Variants in LIPN observed in about 807,000 individuals in gnomAD.
LIPN encodes the protein lipase family member N.
Under a neutral mutation model 43.7 loss-of-function variants are expected in LIPN, and 32 were observed. The observed-to-expected ratio is 0.73, with a 90% confidence interval of 0.55 to 0.98. LIPN has a LOEUF of 0.98. LIPN is among the 50% of genes least tolerant of loss of function. The probability of loss-of-function intolerance (pLI) is 0.00; values close to 1 mark genes in which losing one functional copy is unlikely to be tolerated. For missense variants in LIPN, 505 were observed against 483.8 expected (o/e 1.04, Z -0.41); for synonymous variants, 156 against 157.6 (o/e 0.99, Z 0.08).
At chr10:88,763,455 A>T (rs1843035902) in intron 3 of LIPN, among the ~76,000 whole-genome samples, 1 of 152,092 alleles carries the variant, frequency 6.6e-6, no homozygotes, top group Admixed American at 6.6e-5. Flanking sequence ...AGAATTAAAG[A>T]TCATTCATTA....
At chr10:88,769,581 A>G (rs1843171998) in intron 6 of LIPN, 4 of 983,932 alleles carry the variant, frequency 4.1e-6, no homozygotes, top group Non-Finnish European at 4.8e-6. Flanking sequence ...CACAGCATTT[A>G]ATCAAATTCC....
At chr10:88,771,134 G>C (rs1698158353) in intron 7 of LIPN, 143 bp downstream of exon 7, 16 of 626,888 alleles carry the variant, frequency 2.6e-5, no homozygotes, top group Non-Finnish European at 2.7e-6. Context: ...TTTTAAAAAT[G>C]TTTATGGGTA....
At chr10:88,762,351 G>GAGAAGCAGGAGGT in intron 3 of LIPN, 46 bp downstream of exon 3, 2 of 1,177,924 alleles carry the variant, frequency 1.7e-6, no homozygotes, top group South Asian at 1.3e-5. Context: ...TTGACCTCCT[G>GAGAAGCAGGAGGT]CTTCTCAGGA....
At position 88,761,755 on chromosome 10, in the gene LIPN, CTATCTATG is replaced by C. The variant is rs200398534; in HGVS notation, c.108+250_108+257del. 0.12 allele frequency among the ~76,000 whole-genome samples: 11,509 copies of C among 97,240 alleles called. 483 individuals carry two copies. Among genetic ancestry groups the C allele is most frequent in the East Asian group, 0.23 (498 of 2,180 alleles). The allele number at this position is 97,240 out of a possible 152,430, so 63.8% of individuals were successfully genotyped here. A position where few individuals can be genotyped will look rare whatever the true frequency, so the allele number is the denominator to read the frequency against. On this transcript the variant is annotated intron_variant, in intron 2 of 9. Transcript: ENST00000404459. ...TCTATCTATCTATCTATCTATCTAT[CTATCTATG>C]TATCTATCTATCTATTTATCTATCT... is the stretch of plus-strand genomic sequence containing the variant.
Position 88,768,892 on chromosome 10 carries a change from T to C in LIPN, c.636T>C (p.Phe212=). ...CATTCAAATATCCCACGGGCATTTT[T>C]ACCAGGTTTTTTCTACTTCCAAATT... ...TISFKYPTGI[F]TRFFLLPNSI... The change falls in exon 6 of 10, where the codon TTT becomes TTC. Residue 212 remains phenylalanine, a synonymous_variant. Coordinates refer to ENST00000404459, the MANE Select transcript of LIPN (RefSeq NM_001102469.2). The C allele has an allele frequency of 6.2e-7, 1 of 1,611,540 alleles. No homozygotes were observed.
Position 88,762,362 on chromosome 10 carries a change from G to A in LIPN, c.226+57G>A, listed in dbSNP as rs954946740. The A allele has an allele frequency of 2.1e-5, 22 of 1,028,722 alleles. No individual in the cohort carries two copies. The African/African-American group carries it at 3.2e-4, about 15-fold the overall frequency. 63.7% of individuals were successfully genotyped at this position (1,028,722 alleles called of 1,614,324 possible). ...TGCATTGACCTCCTGCTTCTCAGGAGGAATTTAATGCTAGATATGCATCAA... is the reference window on the plus strand; with the variant it reads ...TGCATTGACCTCCTGCTTCTCAGGAAGAATTTAATGCTAGATATGCATCAA... On this transcript the variant is annotated intron_variant, in intron 3 of 9. Coordinates refer to ENST00000404459, the MANE Select transcript of LIPN (RefSeq NM_001102469.2).
chr10:88,759,220 G>C (rs1239517174), upstream of LIPN, among the ~76,000 whole-genome samples: 1 of 152,010 alleles, frequency 6.6e-6, no homozygotes, highest in South Asian at 2.1e-4. Context: ...CATTTTTTTT[G>C]AAAGGATTTG....
At chr10:88,776,116 A>G (rs1006047829) in intron 9 of LIPN, among the ~76,000 whole-genome samples, 12 of 152,074 alleles carry the variant, frequency 7.9e-5, no homozygotes, top group African/African-American at 2.9e-4. Flanking sequence ...CCACACCACA[A>G]TCTAAATATA....
intron 2 of LIPN, 103 bp from the exon 3 acceptor site, chr10:88,762,085 T>C (rs1211174143): frequency 3.8e-6 from 2 of 526,924 alleles, no homozygotes; most frequent in Admixed American, 3.2e-5. Context: ...TGCTACAAAT[T>C]TCAGATAATT....
upstream of LIPN, among the ~76,000 whole-genome samples, chr10:88,759,712 G>C (rs1842969115): frequency 6.6e-6 from 1 of 152,048 alleles, no homozygotes; most frequent in Non-Finnish European, 1.5e-5. Context: ...GGGGAAGGGA[G>C]ATACTATTGT....
Position 88,778,836 on chromosome 10 carries a change from C to G in LIPN, c.*594C>G, listed in dbSNP as rs1843340184. ...TATCTGCGTAAACGGAATCTTGAAC[C>G]CATAATAGGATACATGTATAAAATC... On this transcript the variant is annotated 3_prime_UTR_variant, in exon 10 of 10. Coordinates refer to ENST00000404459, the MANE Select transcript of LIPN (RefSeq NM_001102469.2). Among the ~76,000 whole-genome samples the G allele has an allele frequency of 6.6e-6, 1 of 152,120 alleles. No individual in the cohort carries two copies. The highest frequency in any genetic ancestry group is 6.6e-5 in the Admixed American group (1 of 15,266).
At chr10:88,760,869 A>G (rs1360904072) in intron 1 of LIPN, among the ~76,000 whole-genome samples, 1 of 152,170 alleles carries the variant, frequency 6.6e-6, no homozygotes, top group Non-Finnish European at 1.5e-5. Flanking sequence ...ATGGCAAGGA[A>G]GTGAGACTGC....
chr10:88,765,757 C>T (rs763844408), intron 4 of LIPN, among the ~76,000 whole-genome samples: 196 of 151,864 alleles, frequency 1.3e-3, no homozygotes, highest in Non-Finnish European at 2.2e-3. Context: ...TATTAAACCC[C>T]GTTAGCAGCC....
intron 6 of LIPN, chr10:88,769,593 G>T (rs1159744547): frequency 1.0e-6 from 1 of 983,568 alleles, no homozygotes; most frequent in Non-Finnish European, 1.2e-6. Context: ...TCAAATTCCA[G>T]ATTGGCCTTT....
At chr10:88,773,836 G>A (rs1843250236) in intron 7 of LIPN, among the ~76,000 whole-genome samples, 1 of 151,922 alleles carries the variant, frequency 6.6e-6, no homozygotes, top group African/African-American at 2.4e-5. Context: ...TATTTTCTAA[G>A]ACATAGAATT....
Position 88,778,962 on chromosome 10 carries a change from T to G in LIPN, c.*720T>G, listed in dbSNP as rs1403133299. Among the ~76,000 whole-genome samples, 1 of 152,200 alleles carries G rather than the reference T, an allele frequency of 6.6e-6. No individual in the cohort carries two copies. The highest frequency in any genetic ancestry group is 1.9e-4 in the East Asian group (1 of 5,192). On this transcript the variant is annotated 3_prime_UTR_variant, in exon 10 of 10. Transcript: ENST00000404459. ...ATGTAATGCCCCCTTTACAGGCTTT[T>G]TGTTCTTTGAGGGGTTTGAACATTC...
At position 88,768,793 on chromosome 10, in the gene LIPN, G is replaced by T; in HGVS notation, c.537G>T (p.Gly179=). The T allele has an allele frequency of 6.2e-7, 1 of 1,610,868 alleles. No individual in the cohort carries two copies. Among genetic ancestry groups the T allele is most frequent in the African/African-American group, 1.3e-5 (1 of 74,800 alleles). The change falls in exon 6 of 10, where the codon GGG becomes GGT. Residue 179 remains glycine (G), a splice_region_variant and synonymous_variant. Transcript: ENST00000404459. ...FIGHSLGTTI[G]FVAFSTMPEL... ...TTGTCTTATCTCCTGTTCTCTCAGGGTTTGTAGCCTTTTCCACCATGCCTG... is the reference window on the plus strand; with the variant it reads ...TTGTCTTATCTCCTGTTCTCTCAGGTTTTGTAGCCTTTTCCACCATGCCTG...
chr10:88,764,330 A>T, intron 3 of LIPN, 80 bp from the exon 4 acceptor site: 1 of 1,095,112 alleles, frequency 9.1e-7, no homozygotes, highest in Non-Finnish European at 1.3e-6. Flanking sequence ...GACATGCTCT[A>T]TTTAACATAA....
chr10:88,766,020 G>A (rs989644249), intron 4 of LIPN, among the ~76,000 whole-genome samples: 19 of 151,890 alleles, frequency 1.3e-4, no homozygotes, highest in Non-Finnish European at 2.2e-4. Context: ...GAAGAGGAGG[G>A]ATCATAAGGT....
Sources: gnomAD v4.1 joint callset for allele counts (sites outside exome capture counted in the v4.1 genomes callset) on GRCh38, gnomAD v4.1.1 for gene constraint, MANE v1.5 for transcripts, NCBI Gene and HGNC (gene_info 2026-07-23, HGNC 2026-07-21) for gene names.